Variants in POFUT2 observed in about 807,000 individuals in gnomAD.
POFUT2 encodes protein O-fucosyltransferase 2.
POFUT2 carries 30 observed loss-of-function variants against 55.0 expected under a neutral mutation model. The ratio of observed to expected loss-of-function variants is 0.55; its 90% CI spans 0.41 to 0.74. POFUT2 has a LOEUF of 0.74. POFUT2 is among the 30% of genes least tolerant of loss of function. The pLI, the probability that POFUT2 is intolerant of heterozygous loss-of-function variation, is 0.00. For missense variants in POFUT2, 524 were observed against 562.6 expected, an observed-to-expected ratio of 0.93 and a Z score of 0.69; for synonymous variants, 267 against 231.1, an observed-to-expected ratio of 1.16 and a Z score of -1.41.
Position 45,285,874 on chromosome 21 carries a change from G to C in POFUT2, c.186C>G (p.Val62=), listed in dbSNP as rs201273009. 42 of 1,612,910 alleles carry C rather than the reference G, an allele frequency of 2.6e-5. No individual in the cohort carries two copies. The African/African-American group carries it at 4.7e-4, about 18-fold the overall frequency. ...TCAGGAGAGAGGCGATTCGGATATAGACATCCCTGCGCAGGTTGAAGCCTT... is the reference window on the plus strand; with the variant it reads ...TCAGGAGAGAGGCGATTCGGATATACACATCCCTGCGCAGGTTGAAGCCTT... ...PPEGFNLRRD[V]YIRIASLLKT... is the part of the protein sequence containing the mutation. Residue 62 remains valine (V), a synonymous_variant, in exon 2 of 9, where the codon GTC becomes GTG. Coordinates refer to ENST00000349485, the MANE Select transcript of POFUT2 (RefSeq NM_133635.6). The surrounding 1 kb of genome is among the most constrained non-coding windows in gnomAD (Gnocchi z 4.9).
intron 1 of POFUT2, among the ~76,000 whole-genome samples, 199 bp from the exon 2 acceptor site, chr21:45,286,127 C>T (rs1229451347): frequency 2.0e-5 from 3 of 152,184 alleles, no homozygotes; most frequent in Non-Finnish European, 4.4e-5. Context: ...GACATGCTAA[C>T]ATCGTTTTAA....
In POFUT2 at chr21:45,282,915, T is replaced by C. The variant is rs1247387637; in HGVS notation, c.528-456A>G. ...CAGAGCCTTTAATGGCAATCGACAC[T>C]TGGGACTGACAAGACCTCCATCCCT... is the stretch of plus-strand genomic sequence containing the variant. On this transcript the variant is annotated intron_variant, in intron 3 of 8. Transcript: ENST00000349485. The surrounding 1 kb of genome is among the most constrained non-coding windows in gnomAD (Gnocchi z 4.6). 1 of 474,012 alleles carries C rather than the reference T, an allele frequency of 2.1e-6. No individual in the cohort carries two copies. The allele number at this position is 474,012 out of a possible 1,614,324, so 29.4% of individuals were successfully genotyped here.
chr21:45,287,730 C>G lies in POFUT2; in HGVS notation c.131+11G>C, dbSNP rs909305580. On this transcript the variant is annotated intron_variant, in intron 1 of 8. Coordinates refer to ENST00000349485, the MANE Select transcript of POFUT2 (RefSeq NM_133635.6). ...GGAACCCCAGCGTTGGCACCGTGGA[C>G]GCGCGTTTACCGTCTGCGGGAAGCC... 1 of 1,429,610 alleles carries G rather than the reference C, an allele frequency of 7.0e-7. No individual in the cohort carries two copies. The highest frequency in any genetic ancestry group is 9.2e-7 in the Non-Finnish European group (1 of 1,081,328). 88.6% of individuals were successfully genotyped at this position (1,429,610 alleles called of 1,614,324 possible). A position where few individuals can be genotyped will look rare whatever the true frequency, so the allele number is the denominator to read the frequency against.
In POFUT2 at chr21:45,287,833, T is replaced by C. The variant is rs2031654935; in HGVS notation, c.39A>G (p.Ala13=). The C allele has an allele frequency of 2.0e-6, 3 of 1,465,142 alleles. No homozygotes were observed. Among genetic ancestry groups the C allele is most frequent in the East Asian group, 2.7e-5 (1 of 36,386 alleles). The allele number at this position is 1,465,142 out of a possible 1,614,324, so 90.8% of individuals were successfully genotyped here. The change falls in exon 1 of 9, where the codon GCA becomes GCG. Residue 13 remains alanine, a synonymous_variant. Coordinates refer to ENST00000349485, the MANE Select transcript of POFUT2 (RefSeq NM_133635.6). ...AGGCAGAAGCCGGAGGCCAGGACAC[T>C]GCCCCCAGCAGCAGGAAGACGAAGC... ...TLSFVFLLLG[A]VSWPPASASG...
chr21:45,266,978 A>T, intron 8 of POFUT2: 1 of 1,027,532 alleles, frequency 9.7e-7, no homozygotes, highest in Non-Finnish European at 1.2e-6. Context: ...CAGCAACCCC[A>T]GAGGAATGAC....
rs752294862 is a variant in POFUT2, at chr21:45,287,862, G to A, written c.10C>T (p.Leu4Phe). ...CCCAGCAGCAGGAAGACGAAGCTGA[G>A]TGTCGCCATGGCCCCGGGCGGCCAC... is the stretch of plus-strand genomic sequence containing the variant. MATLSFVFLLLGAV... is the reference protein window; with the variant it reads MATFSFVFLLLGAV... Residue 4 changes from leucine (L) to phenylalanine (F), a missense_variant, in exon 1 of 9, where the codon CTC (leucine) becomes TTC (phenylalanine). Leu to Phe is a conservative substitution (Grantham distance 22, BLOSUM62 0). Around this residue, in one of 2 missense-constraint regions of POFUT2, gnomAD observed 274 missense variants for 244.4 expected, o/e 1.12. Transcript: ENST00000349485. The A allele has an allele frequency of 1.1e-5, 16 of 1,392,220 alleles. No homozygotes were observed. In the African/African-American group the frequency reaches 1.5e-4, roughly 13 times the overall value. 86.2% of individuals were successfully genotyped at this position (1,392,220 alleles called of 1,614,324 possible).
chr21:45,272,746 A>T (rs2093229889), intron 6 of POFUT2, among the ~76,000 whole-genome samples: 1 of 152,200 alleles, frequency 6.6e-6, no homozygotes, highest in Non-Finnish European at 1.5e-5. Flanking sequence ...TAAATCCAAA[A>T]GGAACCCTCA....
chr21:45,287,004 G>A (rs112043097), intron 1 of POFUT2, among the ~76,000 whole-genome samples: 4,283 of 152,208 alleles, frequency 0.028, 211 homozygotes, highest in African/African-American at 0.096. Flanking sequence ...GGGGCCTCCG[G>A]AGCCAGCCCA....
rs766743939 is a variant in POFUT2 at position 45,282,358 on chromosome 21, G to A, written c.629C>T (p.Thr210Ile). Residue 210 changes from threonine (T) to isoleucine (I), a missense_variant, in exon 4 of 9, where the codon ACA becomes ATA. Physicochemically the swap from Thr to Ile is moderately conservative, Grantham distance 89 (BLOSUM62 -1). Transcript: ENST00000349485. The surrounding 1 kb of genome is among the most constrained non-coding windows in gnomAD (Gnocchi z 4.6). ...GGCCTGGGGCACTCACCGGGCTGAT[G>A]TGTTTCTCAGCAGCAGGGGCGCCAC... ...SIVAPLLLRN[T>I]SARSVMLDRA... 3.1e-6 allele frequency: 5 copies of A among 1,609,080 alleles called. No homozygotes were observed. Among genetic ancestry groups the A allele is most frequent in the East Asian group, 2.2e-5 (1 of 44,862 alleles).
rs1602158832 is a variant in POFUT2, at chr21:45,268,899, G to A, written c.1012+940C>T. 8.2e-5 allele frequency among the ~76,000 whole-genome samples: 9 copies of A among 109,706 alleles called. No homozygotes were observed. In the South Asian group the frequency reaches 2.7e-3, roughly 33 times the overall value. The allele number at this position is 109,706 out of a possible 152,430, so 72.0% of individuals were successfully genotyped here. On this transcript the variant is annotated intron_variant, in intron 7 of 8. Coordinates refer to ENST00000349485, the MANE Select transcript of POFUT2 (RefSeq NM_133635.6). ...CCCCGGGCGGCCAGCCGCCCCGTCC[G>A]GGAGGGAGGTGGGGGGGTCAGCCCC...
Position 45,282,241 on chromosome 21 carries a change from G to T in POFUT2, c.638+108C>A. ...GCCCCCAGGGTCCGCTGTCTGTGAG[G>T]TGGGTGGGCCAGGGATGCGGGAGTA... is the stretch of plus-strand genomic sequence containing the variant. On this transcript the variant is annotated intron_variant, in intron 4 of 8. Coordinates refer to ENST00000349485, the MANE Select transcript of POFUT2 (RefSeq NM_133635.6). This position sits in a 1 kb window ranked among gnomAD's most constrained non-coding sequence, Gnocchi z 4.6. 1 of 746,570 alleles carries T rather than the reference G, an allele frequency of 1.3e-6. No homozygotes were observed. Among genetic ancestry groups the T allele is most frequent in the East Asian group, 2.5e-5 (1 of 39,870 alleles). The allele number at this position is 746,570 out of a possible 1,614,324, so 46.2% of individuals were successfully genotyped here. A position where few individuals can be genotyped will look rare whatever the true frequency, so the allele number is the denominator to read the frequency against.
rs760933615 is a variant in POFUT2 at position 45,284,768 on chromosome 21, G to T, written c.382+910C>A. Among the ~76,000 whole-genome samples, 2 of 152,192 alleles carry T rather than the reference G, an allele frequency of 1.3e-5. No individual in the cohort carries two copies. Among genetic ancestry groups the T allele is most frequent in the African/African-American group, 2.4e-5 (1 of 41,446 alleles). The stretch of plus-strand genomic sequence containing the variant: ...CCCAACCACAGCTTTCATCTTCCAG[G>T]ACTCACAAGCAAATTTTAAAGTCAA... On this transcript the variant is annotated intron_variant, in intron 2 of 8. Transcript: ENST00000349485. The surrounding 1 kb of genome is among the most constrained non-coding windows in gnomAD (Gnocchi z 5.8).
chr21:45,282,970 C>G lies in POFUT2; in HGVS notation c.527+413G>C, dbSNP rs1054210935. 6.4e-6 allele frequency: 3 copies of G among 470,648 alleles called. No homozygotes were observed. Among genetic ancestry groups the G allele is most frequent in the Non-Finnish European group, 1.3e-5 (3 of 227,050 alleles). The allele number at this position is 470,648 out of a possible 1,614,324, so 29.2% of individuals were successfully genotyped here. On this transcript the variant is annotated intron_variant, in intron 3 of 8. Transcript: ENST00000349485. This position sits in a 1 kb window ranked among gnomAD's most constrained non-coding sequence, Gnocchi z 4.6. ...CAACATCCAAATGCATGAAAAGACA[C>G]AGGGAAAGAGGCACGGGGTCTCAGC...
rs570171977 is a variant in POFUT2 at position 45,265,294 on chromosome 21, T to C, written c.*188A>G. On this transcript the variant is annotated 3_prime_UTR_variant, in exon 9 of 9. Transcript: ENST00000349485. This position sits in a 1 kb window ranked among gnomAD's most constrained non-coding sequence, Gnocchi z 4.6. ...AGCAGCGGAGCCTCTTCATCAGCCATGGCGGCTGGCAACGCCGAGGACGGA... is the reference window on the plus strand; with the variant it reads ...AGCAGCGGAGCCTCTTCATCAGCCACGGCGGCTGGCAACGCCGAGGACGGA... 293 of 447,408 alleles carry C rather than the reference T, an allele frequency of 6.5e-4. 2 individuals carry two copies. Among genetic ancestry groups the C allele is most frequent in the African/African-American group, 5.5e-3 (273 of 49,300 alleles). 27.7% of individuals were successfully genotyped at this position (447,408 alleles called of 1,614,324 possible). A position where few individuals can be genotyped will look rare whatever the true frequency, so the allele number is the denominator to read the frequency against.
chr21:45,268,828 C>CAA (rs2093186107), intron 7 of POFUT2, among the ~76,000 whole-genome samples: 1 of 141,754 alleles, frequency 7.1e-6, no homozygotes, highest in Non-Finnish European at 1.5e-5. Flanking sequence ...GTCAGCCCTC[C>CAA]GCCCGGCCAG....
chr21:45,282,786 C>G lies in POFUT2; in HGVS notation c.528-327G>C. 2.0e-6 allele frequency: 1 copy of G among 506,756 alleles called. No homozygotes were observed. Among genetic ancestry groups the G allele is most frequent in the South Asian group, 1.5e-5 (1 of 64,786 alleles). 31.4% of individuals were successfully genotyped at this position (506,756 alleles called of 1,614,324 possible). A position where few individuals can be genotyped will look rare whatever the true frequency, so the allele number is the denominator to read the frequency against. On this transcript the variant is annotated intron_variant, in intron 3 of 8. Coordinates refer to ENST00000349485, the MANE Select transcript of POFUT2 (RefSeq NM_133635.6). This position sits in a 1 kb window ranked among gnomAD's most constrained non-coding sequence, Gnocchi z 4.6. ...GTGACCGTCAGCCAAGTCAACCGCG[C>G]CCTTCCCAAGAGCTCACCTGCCATG...
intron 6 of POFUT2, among the ~76,000 whole-genome samples, chr21:45,273,993 G>A (rs1348773997): frequency 1.3e-5 from 2 of 152,028 alleles, no homozygotes; most frequent in African/African-American, 4.8e-5. Flanking sequence ...AGAAATAAAC[G>A]GCATCCAAAT....
In POFUT2 at chr21:45,269,945, G is replaced by A; in HGVS notation, c.906C>T (p.His302=). 1 of 1,602,358 alleles carries A rather than the reference G, an allele frequency of 6.2e-7. No individual in the cohort carries two copies. The highest frequency in any genetic ancestry group is 1.1e-5 in the South Asian group (1 of 88,584). The change falls in exon 7 of 9, where the codon CAC becomes CAT. Residue 302 remains histidine (H), a synonymous_variant. Coordinates refer to ENST00000349485, the MANE Select transcript of POFUT2 (RefSeq NM_133635.6). ...CTTCCAGACTGGGTACATCCTGTCTGTGACCCCAGATGAAATCTTTTCTTC... is the reference window on the plus strand; with the variant it reads ...CTTCCAGACTGGGTACATCCTGTCTATGACCCCAGATGAAATCTTTTCTTC... The part of the protein sequence containing the change: ...HLRRKDFIWG[H]RQDVPSLEGA...
At position 45,287,840 on chromosome 21, in the gene POFUT2, A is replaced by C; in HGVS notation, c.32T>G (p.Leu11Arg). 6.9e-7 allele frequency: 1 copy of C among 1,444,468 alleles called. No homozygotes were observed. Among genetic ancestry groups the C allele is most frequent in the Non-Finnish European group, 9.2e-7 (1 of 1,090,994 alleles). The allele number at this position is 1,444,468 out of a possible 1,614,324, so 89.5% of individuals were successfully genotyped here. The change falls in exon 1 of 9, where the codon CTG becomes CGG. Residue 11 changes from leucine (L) to arginine (R), a missense_variant. By Grantham distance (102) the Leu-to-Arg change is moderately radical. Transcript: ENST00000349485. MATLSFVFLL[L>R]GAVSWPPASA... ...AGCCGGAGGCCAGGACACTGCCCCC[A>C]GCAGCAGGAAGACGAAGCTGAGTGT...
Sources: allele counts gnomAD v4.1 joint callset (sites outside exome capture counted in the v4.1 genomes callset), GRCh38; gene constraint gnomAD v4.1.1; regional missense constraint gnomAD v4.1.1; non-coding constraint Gnocchi (gnomAD v3.1); transcripts MANE v1.5; gene names NCBI Gene and HGNC (gene_info 2026-07-23, HGNC 2026-07-21).